The following UNC80 variants were observed in gnomAD, a reference collection of about 807,000 sequenced individuals.
UNC80 encodes the protein protein unc-80 homolog.
Under a neutral mutation model 384.6 loss-of-function variants are expected in UNC80, and 164 were observed. The observed-to-expected ratio is 0.43, with a 90% CI of 0.38 to 0.49. The LOEUF (loss-of-function observed/expected upper bound fraction) is 0.49, where lower values mean the gene tolerates loss of function less well. UNC80 is among the 20% of genes least tolerant of loss of function. The pLI is 0.00. For missense variants in UNC80, 3,330 were observed against 4,143.0 expected, an observed-to-expected ratio of 0.80 and a Z score of 5.39; for synonymous variants, 1,486 against 1,527.8, an observed-to-expected ratio of 0.97 and a Z score of 0.64.
At chr2:209,960,105 C>G (rs771834784) in intron 51 of UNC80, among the ~76,000 whole-genome samples, 4 of 152,204 alleles carry the variant, frequency 2.6e-5, no homozygotes, top group Non-Finnish European at 5.9e-5. Flanking sequence ...GAATGCACAA[C>G]TACTTTCTGC....
chr2:209,960,857 G>A (rs1276512855), intron 51 of UNC80: 1 of 152,202 alleles, frequency 6.6e-6, no homozygotes, highest in Non-Finnish European at 1.5e-5. Context: ...TCAGAGAAAG[G>A]GGAGGGACAT....
intron 6 of UNC80, 83 bp from the exon 7 acceptor site, chr2:209,793,637 G>C: frequency 6.6e-7 from 1 of 1,513,288 alleles, no homozygotes; most frequent in Non-Finnish European, 8.9e-7. Flanking sequence ...TTGTAATATG[G>C]TAGCTAATTC....
intron 45 of UNC80, among the ~76,000 whole-genome samples, chr2:209,944,588 G>T (rs965444629): frequency 1.3e-5 from 2 of 152,096 alleles, no homozygotes; most frequent in African/African-American, 4.8e-5. Context: ...ATTATTTAAA[G>T]CCATTTTAAA....
At chr2:209,855,507 G>A (rs1364835533) in intron 22 of UNC80, among the ~76,000 whole-genome samples, 4 of 151,948 alleles carry the variant, frequency 2.6e-5, no homozygotes, top group Non-Finnish European at 5.9e-5. Flanking sequence ...TATATCATAA[G>A]TACATAGAAT....
intron 45 of UNC80, among the ~76,000 whole-genome samples, 187 bp downstream of exon 45, chr2:209,943,701 A>G (rs1453852319): frequency 6.6e-6 from 1 of 152,224 alleles, no homozygotes; most frequent in Admixed American, 6.6e-5. Flanking sequence ...GTATGTCCTG[A>G]TTGGAGCTAT....
At chr2:209,877,483 A>C (rs1038753364) in intron 23 of UNC80, among the ~76,000 whole-genome samples, 1 of 152,216 alleles carries the variant, frequency 6.6e-6, no homozygotes, top group Non-Finnish European at 1.5e-5. Context: ...ACAGATAGAA[A>C]AAAATTGCAG....
intron 27 of UNC80, 77 bp from the exon 28 acceptor site, chr2:209,896,236 T>G: frequency 7.6e-7 from 1 of 1,313,576 alleles, no homozygotes; most frequent in Non-Finnish European, 1.1e-6. Context: ...TTCAGAAGCA[T>G]GGACAACTGT....
intron 26 of UNC80, among the ~76,000 whole-genome samples, chr2:209,891,005 C>G (rs1339586693): frequency 6.6e-6 from 1 of 151,950 alleles, no homozygotes; most frequent in Non-Finnish European, 1.5e-5. Context: ...AAAAGAACAT[C>G]TGCACATTTG....
chr2:209,906,455 T>G (rs752491298), intron 29 of UNC80, among the ~76,000 whole-genome samples: 1 of 152,210 alleles, frequency 6.6e-6, no homozygotes, highest in Non-Finnish European at 1.5e-5. Flanking sequence ...GCCTTTTGAT[T>G]CTTAAAAACC....
intron 35 of UNC80, among the ~76,000 whole-genome samples, chr2:209,925,371 G>A (rs1347714843): frequency 6.6e-6 from 1 of 152,134 alleles, no homozygotes; most frequent in East Asian, 1.9e-4. Flanking sequence ...TGAAGCCGCG[G>A]ACCTTCACAG....
chr2:209,958,944 T>TG (rs1419016043), intron 49 of UNC80, among the ~76,000 whole-genome samples, 175 bp from the exon 50 acceptor site: 1 of 152,224 alleles, frequency 6.6e-6, no homozygotes, highest in Non-Finnish European at 1.5e-5. Flanking sequence ...GCAATATATG[T>TG]GTTAGCCAAA....
At chr2:209,785,369 T>C (rs368555472) in intron 4 of UNC80, among the ~76,000 whole-genome samples, 2 of 152,318 alleles carry the variant, frequency 1.3e-5, no homozygotes, top group African/African-American at 4.8e-5. Context: ...CTTTAAATCA[T>C]AGATAAACTG....
At chr2:209,846,596 C>T (rs930264306) in intron 21 of UNC80, among the ~76,000 whole-genome samples, 2 of 151,984 alleles carry the variant, frequency 1.3e-5, no homozygotes, top group African/African-American at 4.8e-5. Flanking sequence ...TATTTTTATA[C>T]ATCCCTTATT....
intron 2 of UNC80, among the ~76,000 whole-genome samples, chr2:209,773,408 A>T (rs1264242052): frequency 1.3e-5 from 2 of 152,236 alleles, no homozygotes; most frequent in Non-Finnish European, 2.9e-5. Context: ...AGCACTATGG[A>T]GAAAAATTAA....
At chr2:209,791,257 A>G (rs1224781262) in intron 6 of UNC80, among the ~76,000 whole-genome samples, 2 of 152,132 alleles carry the variant, frequency 1.3e-5, no homozygotes, top group East Asian at 3.9e-4. Context: ...TTATTAACTC[A>G]CCATTCCACA....
chr2:209,904,323 G>T (rs1382772034), intron 28 of UNC80, among the ~76,000 whole-genome samples: 1 of 152,196 alleles, frequency 6.6e-6, no homozygotes, highest in Non-Finnish European at 1.5e-5. Context: ...TCCCACATGG[G>T]TGGGCTGGCA....
At position 209,937,597 on chromosome 2, in the gene UNC80, T is replaced by A. The variant is rs1320840747; in HGVS notation, c.6432T>A (p.His2144Gln). 1 of 1,551,940 alleles carries A rather than the reference T, an allele frequency of 6.4e-7. No homozygotes were observed. The highest frequency in any genetic ancestry group is 1.2e-5 in the South Asian group (1 of 84,054). ...CCCAGCTGAATCTTGTACATATGCA[T>A]CCAGAGAAGGGACAGGAGCTCATTC... Reference protein sequence around the residue: ...VSPQLNLVHMHPEKGQELIQK... With the variant: ...VSPQLNLVHMQPEKGQELIQK... Residue 2144 changes from histidine to glutamine, a missense_variant, in exon 42 of 65, where the codon CAT (histidine) becomes CAA (glutamine). His to Gln is a conservative substitution (Grantham distance 24, BLOSUM62 0). This residue lies in a region of UNC80 where 1,049 missense variants were observed against 1,488.6 expected (regional missense o/e 0.70). Transcript: ENST00000673920.
intron 23 of UNC80, among the ~76,000 whole-genome samples, chr2:209,873,973 A>ATG (rs997977010): frequency 2.5e-5 from 3 of 122,256 alleles, no homozygotes; most frequent in Admixed American, 8.0e-5. Context: ...AGATACACGT[A>ATG]TGTATGTGTG....
intron 23 of UNC80, among the ~76,000 whole-genome samples, chr2:209,873,983 G>A (rs890821785): frequency 1.3e-5 from 2 of 151,810 alleles, no homozygotes; most frequent in African/African-American, 2.4e-5. Context: ...ATGTATGTGT[G>A]TGTGTGTGTG....
Sources: gnomAD v4.1 joint callset for allele counts (sites outside exome capture counted in the v4.1 genomes callset) on GRCh38, gnomAD v4.1.1 for gene constraint, gnomAD v4.1.1 regional missense constraint, MANE v1.5 for transcripts, NCBI Gene and HGNC (gene_info 2026-07-23, HGNC 2026-07-21) for gene names.